STAU2: variants seen among roughly 807,000 people sequenced by gnomAD.
STAU2 encodes the protein staufen double-stranded RNA binding protein 2.
Under a neutral mutation model 65.9 loss-of-function variants are expected in STAU2, and 20 were observed. The ratio of observed to expected loss-of-function variants is 0.30; its 90% confidence interval spans 0.21 to 0.44. The LOEUF (loss-of-function observed/expected upper bound fraction) is 0.44, where lower values mean the gene tolerates loss of function less well. Ranked by LOEUF, STAU2 falls within the 20% of genes least tolerant of loss-of-function variation. The pLI, the probability that STAU2 is intolerant of heterozygous loss-of-function variation, is 1.00. For missense variants in STAU2, 558 were observed against 683.9 expected (o/e 0.82, Z 2.05); for synonymous variants, 232 against 233.9 (o/e 0.99, Z 0.07).
intron 6 of STAU2, among the ~76,000 whole-genome samples, chr8:73,643,833 G>C (rs1260567532): frequency 6.6e-6 from 1 of 152,158 alleles, no homozygotes; most frequent in African/African-American, 2.4e-5. Context: ...TTATTAAATA[G>C]TTGTACACTT....
intron 6 of STAU2, among the ~76,000 whole-genome samples, chr8:73,654,665 C>T (rs1463726286): frequency 1.2e-4 from 5 of 41,734 alleles, no homozygotes; most frequent in Non-Finnish European, 2.3e-4. Flanking sequence ...AAAAAAAGAA[C>T]TCTTTTAATT....
Position 73,655,839 on chromosome 8 carries a change from A to G in STAU2, c.410+17268T>C, listed in dbSNP as rs996039192. On this transcript the variant is annotated intron_variant, in intron 6 of 14. Coordinates refer to ENST00000524300, the MANE Select transcript of STAU2 (RefSeq NM_001164380.2). The stretch of plus-strand genomic sequence containing the variant: ...AATTTTTTGTATTTTTAGTAGAGAC[A>G]GGGTTTCACCGTGTTAGCCAGGATA... Among the ~76,000 whole-genome samples, 26 of 151,762 alleles carry G rather than the reference A, an allele frequency of 1.7e-4. 1 individual carries two copies. Among genetic ancestry groups the G allele is most frequent in the African/African-American group, 2.7e-4 (11 of 41,396 alleles).
intron 4 of STAU2, among the ~76,000 whole-genome samples, chr8:73,701,377 T>A (rs1773220015): frequency 6.6e-6 from 1 of 152,134 alleles, no homozygotes; most frequent in South Asian, 2.1e-4. Context: ...AAACTATCCA[T>A]CTGACAAGGT....
chr8:73,597,877 T>G (rs189046958), intron 10 of STAU2, among the ~76,000 whole-genome samples: 1 of 152,272 alleles, frequency 6.6e-6, no homozygotes, highest in African/African-American at 2.4e-5. Flanking sequence ...ATCTTCTCCA[T>G]AAAGTTCTAC....
At chr8:73,572,183 T>C (rs1401289876) in intron 12 of STAU2, among the ~76,000 whole-genome samples, 1 of 152,092 alleles carries the variant, frequency 6.6e-6, no homozygotes, top group East Asian at 1.9e-4. Context: ...ACATACACCC[T>C]CCTAAGACTA....
chr8:73,528,183 C>CT lies in STAU2; in HGVS notation c.1530+23828dup, dbSNP rs61452758. Among the ~76,000 whole-genome samples, 214 of 152,312 alleles carry CT rather than the reference C, an allele frequency of 1.4e-3. 1 individual carries two copies. The highest frequency in any genetic ancestry group is 5.0e-3 in the African/African-American group (207 of 41,582). On this transcript the variant is annotated intron_variant, in intron 13 of 14. Transcript: ENST00000524300. ...TTTGTCAACCTGAATTTTCTCTCTT[C>CT]TTTGACTCCATGTGTATGTGACTGC...
intron 13 of STAU2, among the ~76,000 whole-genome samples, chr8:73,472,875 G>A (rs1820109494): frequency 6.6e-6 from 1 of 152,128 alleles, no homozygotes; most frequent in African/African-American, 2.4e-5. Flanking sequence ...GTGAGAGCAA[G>A]TCAATGAAAA....
At chr8:73,721,468 G>A (rs148838216) in intron 3 of STAU2, among the ~76,000 whole-genome samples, 50 of 152,152 alleles carry the variant, frequency 3.3e-4, no homozygotes, top group African/African-American at 1.2e-3. Flanking sequence ...TATCTTTGAT[G>A]ATTTTCTGTC....
chr8:73,537,234 G>C (rs1806237983), intron 13 of STAU2, among the ~76,000 whole-genome samples: 1 of 151,890 alleles, frequency 6.6e-6, no homozygotes. Flanking sequence ...GTGCTTCAAG[G>C]GTCTGTGAGA....
chr8:73,709,101 C>T lies in STAU2; in HGVS notation c.45G>A (p.Glu15=), dbSNP rs983979704. 6.5e-7 allele frequency: 1 copy of T among 1,533,754 alleles called. No individual in the cohort carries two copies. Among genetic ancestry groups the T allele is most frequent in the Admixed American group, 2.0e-5 (1 of 50,692 alleles). Residue 15 remains glutamate, a synonymous_variant, in exon 4 of 15, where the codon GAG becomes GAA. Coordinates refer to ENST00000524300, the MANE Select transcript of STAU2 (RefSeq NM_001164380.2). ...KEKTAMCLVN[E]LARFNRVQPQ... ...GTTGGACTCTATTGAAACGGGCTAA[C>T]TCATTTACCAGACACATTGCAGTTT...
At chr8:73,721,767 T>A (rs1230244730) in intron 3 of STAU2, among the ~76,000 whole-genome samples, 1 of 152,198 alleles carries the variant, frequency 6.6e-6, no homozygotes, top group Non-Finnish European at 1.5e-5. Flanking sequence ...CTTTTCCCAT[T>A]CTTTCACTTT....
chr8:73,464,286 C>G (rs1382756309), intron 13 of STAU2, among the ~76,000 whole-genome samples: 1 of 152,104 alleles, frequency 6.6e-6, no homozygotes, highest in Non-Finnish European at 1.5e-5. Context: ...TCAGAAGTCT[C>G]CATTTTCCCT....
intron 12 of STAU2, among the ~76,000 whole-genome samples, chr8:73,555,972 T>C (rs4363186): frequency 1.3e-5 from 2 of 152,034 alleles, no homozygotes; most frequent in South Asian, 4.1e-4. Flanking sequence ...CATTATGTAC[T>C]GAAAAAAGTT....
intron 12 of STAU2, among the ~76,000 whole-genome samples, chr8:73,567,252 A>C (rs574258898): frequency 1.3e-5 from 2 of 152,288 alleles, no homozygotes; most frequent in African/African-American, 4.8e-5. Context: ...TCACGCTTGT[A>C]ATCCCAGCAC....
At chr8:73,466,301 G>A (rs1585813876) in intron 13 of STAU2, among the ~76,000 whole-genome samples, 1 of 152,088 alleles carries the variant, frequency 6.6e-6, no homozygotes, top group Non-Finnish European at 1.5e-5. Flanking sequence ...TTTTAATGTG[G>A]CTAGAAACTG....
chr8:73,635,951 C>CACACACA (rs35939277), intron 6 of STAU2, among the ~76,000 whole-genome samples: 13 of 54,654 alleles, frequency 2.4e-4, no homozygotes, highest in South Asian at 1.0e-3. Context: ...CACACACACA[C>CACACACA]CCCTGGAACC....
intron 10 of STAU2, among the ~76,000 whole-genome samples, chr8:73,602,953 A>C (rs1811748374): frequency 6.6e-6 from 1 of 152,106 alleles, no homozygotes; most frequent in African/African-American, 2.4e-5. Context: ...GAGAGGGAGA[A>C]GAGAAAAATT....
In STAU2 at chr8:73,543,545, A is replaced by T. The variant is rs550271062; in HGVS notation, c.1530+8467T>A. Among the ~76,000 whole-genome samples the T allele has an allele frequency of 2.6e-5, 4 of 152,340 alleles. No homozygotes were observed. The East Asian group carries it at 7.7e-4, about 29-fold the overall frequency. ...TAACTAATTTCCAAGCAACTGTTACATTAGGAGCTTAACACCATTTGAATT... is the reference window on the plus strand; with the variant it reads ...TAACTAATTTCCAAGCAACTGTTACTTTAGGAGCTTAACACCATTTGAATT... On this transcript the variant is annotated intron_variant, in intron 13 of 14. Coordinates refer to ENST00000524300, the MANE Select transcript of STAU2 (RefSeq NM_001164380.2).
chr8:73,449,163 C>A (rs951195336), intron 13 of STAU2, among the ~76,000 whole-genome samples: 2 of 152,196 alleles, frequency 1.3e-5, no homozygotes, highest in African/African-American at 4.8e-5. Flanking sequence ...AGGGGCCGGG[C>A]GAGTTAGGCC....
Sources: allele counts gnomAD v4.1 joint callset (sites outside exome capture counted in the v4.1 genomes callset), GRCh38; gene constraint gnomAD v4.1.1; transcripts MANE v1.5; gene names NCBI Gene and HGNC (gene_info 2026-07-23, HGNC 2026-07-21).